The following MPP1 variants were observed in gnomAD, a reference collection of about 807,000 sequenced individuals.
The protein encoded by MPP1 is 55 kDa erythrocyte membrane protein.
Under a neutral mutation model 38.2 loss-of-function variants are expected in MPP1, and 6 were observed. That is an observed-to-expected ratio of 0.16 (90% CI 0.09 to 0.31). MPP1 has a LOEUF of 0.31. Ranked by LOEUF, MPP1 falls within the 10% of genes least tolerant of loss-of-function variation. MPP1 has a pLI of 1.00. For synonymous variants in MPP1, 153 were observed against 146.3 expected, an observed-to-expected ratio of 1.05 and a Z score of -0.33; for missense variants, 293 against 368.9, an observed-to-expected ratio of 0.79 and a Z score of 1.69.
intron 1 of MPP1, among the ~76,000 whole-genome samples, chrX:154,803,947 G>A (rs782101218): frequency 2.7e-5 from 3 of 112,399 alleles, no homozygotes; most frequent in Non-Finnish European, 5.6e-5. Flanking sequence ...TCAGGTAACA[G>A]AACTTGTAAT....
intron 1 of MPP1, chrX:154,799,756 T>G (rs1259051718): frequency 1.5e-5 from 17 of 1,161,748 alleles, no homozygotes; most frequent in African/African-American, 1.8e-5. Flanking sequence ...CAGGACTCCA[T>G]GTCTGGCCTT....
intron 1 of MPP1, among the ~76,000 whole-genome samples, chrX:154,799,589 A>C (rs1557268442): frequency 8.9e-6 from 1 of 112,722 alleles, no homozygotes. Flanking sequence ...CAACCTCCAC[A>C]TCATCCTCTC....
intron 1 of MPP1, among the ~76,000 whole-genome samples, chrX:154,796,450 C>T (rs782064894): frequency 4.7e-4 from 53 of 111,632 alleles, no homozygotes; most frequent in African/African-American, 1.7e-3. Flanking sequence ...AATAGCTTTC[C>T]AGAAGACAGA....
In MPP1 at chrX:154,781,794, G is replaced by A; in HGVS notation, c.955C>T (p.Arg319Trp). 5.0e-6 allele frequency: 6 copies of A among 1,210,258 alleles called. No homozygotes were observed. The highest frequency in any genetic ancestry group is 6.7e-6 in the Non-Finnish European group (6 of 894,368). ...KFVYPVPYTT[R>W]PPRKSEEDGK... ...TCTTCCTCACTCTTCCTTGGCGGCCGTGTTGTATCTGTGTACAAGAACCCA... is the reference window on the plus strand; with the variant it reads ...TCTTCCTCACTCTTCCTTGGCGGCCATGTTGTATCTGTGTACAAGAACCCA... The change falls in exon 10 of 12, where the codon CGG (arginine) becomes TGG (tryptophan). Residue 319 changes from arginine to tryptophan, a missense_variant. Physicochemically the swap from Arg to Trp is moderately radical, Grantham distance 101. Coordinates refer to ENST00000369534, the MANE Select transcript of MPP1 (RefSeq NM_002436.4).
intron 1 of MPP1, among the ~76,000 whole-genome samples, chrX:154,802,092 C>T (rs1393025140): frequency 2.7e-5 from 3 of 111,970 alleles, no homozygotes; most frequent in Non-Finnish European, 3.8e-5. Flanking sequence ...CAGAAGGTGC[C>T]GCACTCGGCA....
chrX:154,781,337 C>T (rs374136101), intron 10 of MPP1, 24 bp from the exon 11 acceptor site: 60 of 830,424 alleles, frequency 7.2e-5, no homozygotes, highest in Middle Eastern at 3.2e-4. Context: ...AGAAGGGCGG[C>T]GGGGAGGGGG....
chrX:154,791,924 T>C (rs1322019617), intron 2 of MPP1, 77 bp from the exon 3 acceptor site: 1 of 1,053,740 alleles, frequency 9.5e-7, no homozygotes, highest in East Asian at 3.0e-5. Flanking sequence ...CTTACGGTAA[T>C]TTCTCAGGAA....
intron 1 of MPP1, chrX:154,804,658 T>C: frequency 3.0e-6 from 1 of 338,117 alleles, no homozygotes. Flanking sequence ...ACCAGCGAGT[T>C]TGGGAGAGAT....
Position 154,805,379 on chromosome X carries a change from A to T in MPP1, c.-6T>A. The T allele has an allele frequency of 3.4e-6, 4 of 1,188,151 alleles. No homozygotes were observed. The highest frequency in any genetic ancestry group is 4.5e-6 in the Non-Finnish European group (4 of 881,458). On this transcript the variant is annotated 5_prime_UTR_variant, in exon 1 of 12. Coordinates refer to ENST00000369534, the MANE Select transcript of MPP1 (RefSeq NM_002436.4). ...TCGCTCGCCTTGAGGGTCATCTCGC[A>T]GAAGCTGGAACACTGGAACGCAAGA...
chrX:154,798,781 C>T (rs1380388281), intron 1 of MPP1, among the ~76,000 whole-genome samples: 2 of 111,485 alleles, frequency 1.8e-5, no homozygotes, highest in Admixed American at 9.5e-5. Flanking sequence ...ATTGCCCAGG[C>T]TGGAGTGCAA....
chrX:154,797,569 A>G (rs2072210767), intron 1 of MPP1, among the ~76,000 whole-genome samples: 2 of 112,284 alleles, frequency 1.8e-5, no homozygotes, highest in Non-Finnish European at 3.8e-5. Flanking sequence ...TGCTGCAGCA[A>G]TTGGAAACTC....
Position 154,778,835 on chromosome X carries a change from A to T in MPP1, c.*342T>A, listed in dbSNP as rs182800101. 1.3e-5 allele frequency: 3 copies of T among 228,895 alleles called. No homozygotes were observed. Among genetic ancestry groups the T allele is most frequent in the Non-Finnish European group, 2.3e-5 (3 of 127,796 alleles). 18.9% of individuals were successfully genotyped at this position (228,895 alleles called of 1,213,427 possible). A position where few individuals can be genotyped will look rare whatever the true frequency, so the allele number is the denominator to read the frequency against. ...AAAAGACAAATGAAATACCCAGCATATACAGTTGAAGGCAAAGGAGGGCAG... is the reference window on the plus strand; with the variant it reads ...AAAAGACAAATGAAATACCCAGCATTTACAGTTGAAGGCAAAGGAGGGCAG... On this transcript the variant is annotated 3_prime_UTR_variant, in exon 12 of 12. Coordinates refer to ENST00000369534, the MANE Select transcript of MPP1 (RefSeq NM_002436.4).
At chrX:154,801,353 C>A (rs185755386) in intron 1 of MPP1, among the ~76,000 whole-genome samples, 5 of 111,463 alleles carry the variant, frequency 4.5e-5, no homozygotes, top group African/African-American at 1.6e-4. Flanking sequence ...GTAGGGAGAA[C>A]AAATGAGTTA....
intron 1 of MPP1, chrX:154,804,623 G>C: frequency 3.1e-6 from 1 of 318,618 alleles, no homozygotes; most frequent in South Asian, 2.9e-5. Flanking sequence ...AAATATGAGA[G>C]ACAAGAAAAT....
chrX:154,781,264 A>G lies in MPP1; in HGVS notation c.1199T>C (p.Ile400Thr), dbSNP rs1324714705. ...CTGAGTGCCCTGGTCAGTAGGTGCA[A>G]TGAACACAATGAAAGGCGAAAGTTC... Reference protein sequence around the residue: ...TAELSPFIVFIAPTDQGTQTE... With the variant: ...TAELSPFIVFTAPTDQGTQTE... The change falls in exon 11 of 12, where the codon ATT becomes ACT. Residue 400 changes from isoleucine to threonine, a missense_variant. Coordinates refer to ENST00000369534, the MANE Select transcript of MPP1 (RefSeq NM_002436.4). 1.7e-6 allele frequency: 2 copies of G among 1,208,897 alleles called. No homozygotes were observed. Among genetic ancestry groups the G allele is most frequent in the Non-Finnish European group, 2.2e-6 (2 of 894,381 alleles).
At chrX:154,781,877 G>C in intron 9 of MPP1, 75 bp from the exon 10 acceptor site, 1 of 1,020,807 alleles carries the variant, frequency 9.8e-7, no homozygotes, top group Non-Finnish European at 1.4e-6. Context: ...CATGGTGTCT[G>C]TATGGAAACC....
chrX:154,788,558 G>C (rs1439461145), intron 5 of MPP1, among the ~76,000 whole-genome samples: 2 of 111,870 alleles, frequency 1.8e-5, no homozygotes, highest in African/African-American at 6.5e-5. Flanking sequence ...TGCAGTTGGG[G>C]ATGTAACATG....
At chrX:154,795,657 C>T (rs970869994) in intron 1 of MPP1, among the ~76,000 whole-genome samples, 2 of 111,178 alleles carry the variant, frequency 1.8e-5, no homozygotes, top group Non-Finnish European at 3.8e-5. Flanking sequence ...CCTAGCTACT[C>T]GGGAAGCTGA....
chrX:154,786,171 C>A (rs782064666), intron 6 of MPP1, 33 bp downstream of exon 6: 1 of 1,156,780 alleles, frequency 8.6e-7, no homozygotes, highest in Admixed American at 2.3e-5. Context: ...GTGGCAGGCA[C>A]ATGGCCCTTC....
Sources: gnomAD v4.1 joint callset for allele counts (sites outside exome capture counted in the v4.1 genomes callset) on GRCh38, gnomAD v4.1.1 for gene constraint, MANE v1.5 for transcripts, NCBI Gene and HGNC (gene_info 2026-07-23, HGNC 2026-07-21) for gene names.